ADK: variants seen among roughly 807,000 people sequenced by gnomAD.
The protein encoded by ADK is N6,N6-dimethyladenosine kinase.
A neutral mutation model predicts 44.7 loss-of-function variants in ADK; 24 were observed. That is an observed-to-expected ratio of 0.54 (90% CI 0.39 to 0.76). ADK has a LOEUF of 0.76. ADK is among the 30% of genes least tolerant of loss of function. ADK has a pLI of 0.00. For synonymous variants in ADK, 128 were observed against 142.6 expected (o/e 0.90, Z 0.73); for missense variants, 321 against 425.1 (o/e 0.76, Z 2.15).
chr10:74,639,239 ATACT>A (rs1023040639), intron 9 of ADK, among the ~76,000 whole-genome samples: 6 of 152,214 alleles, frequency 3.9e-5, no homozygotes, highest in African/African-American at 1.2e-4. Context: ...TTGTTATTTG[ATACT>A]TAGGGTGTAG....
intron 7 of ADK, among the ~76,000 whole-genome samples, chr10:74,535,413 C>T (rs59200265): frequency 0.03 from 4,520 of 152,030 alleles, 195 homozygotes; most frequent in African/African-American, 0.091. Flanking sequence ...CAGTGAGCTA[C>T]GATCATGCAA....
At chr10:74,469,155 T>A (rs146697696) in intron 6 of ADK, among the ~76,000 whole-genome samples, 1,681 of 152,128 alleles carry the variant, frequency 0.011, 17 homozygotes, top group Non-Finnish European at 0.017. Context: ...CTGAGCAATG[T>A]TGCAAAACCC....
At chr10:74,604,573 G>T (rs1296270126) in intron 9 of ADK, among the ~76,000 whole-genome samples, 1 of 152,056 alleles carries the variant, frequency 6.6e-6, no homozygotes, top group Middle Eastern at 3.2e-3. Context: ...TAGATGTGTG[G>T]CATTATTTCT....
intron 6 of ADK, among the ~76,000 whole-genome samples, chr10:74,453,673 T>G (rs1157109681): frequency 1.3e-5 from 2 of 152,080 alleles, no homozygotes; most frequent in African/African-American, 4.8e-5. Flanking sequence ...TGCTATAAAA[T>G]TCTATAGTAA....
At chr10:74,252,948 G>A (rs1845698700) in intron 3 of ADK, among the ~76,000 whole-genome samples, 1 of 152,204 alleles carries the variant, frequency 6.6e-6, no homozygotes, top group South Asian at 2.1e-4. Flanking sequence ...TACATTTAGA[G>A]ATAGTATATG....
At chr10:74,493,905 GA>G (rs1305487554) in intron 6 of ADK, among the ~76,000 whole-genome samples, 1 of 152,020 alleles carries the variant, frequency 6.6e-6, no homozygotes, top group Non-Finnish European at 1.5e-5. Context: ...ATTGACCTGA[GA>G]CAGTTTTTGG....
intron 1 of ADK, among the ~76,000 whole-genome samples, chr10:74,177,581 C>G (rs531713141): frequency 3.3e-5 from 5 of 152,200 alleles, no homozygotes; most frequent in Non-Finnish European, 4.4e-5. Context: ...TCCACTTTCT[C>G]CCAGTAGCCT....
intron 4 of ADK, among the ~76,000 whole-genome samples, chr10:74,356,002 ATTT>A (rs34454856): frequency 5.0e-4 from 42 of 83,282 alleles, no homozygotes; most frequent in African/African-American, 1.2e-3. Flanking sequence ...TAAATAATTC[ATTT>A]TTTTTTTTTT....
At chr10:74,581,062 A>AT (rs1851358736) in intron 7 of ADK, among the ~76,000 whole-genome samples, 1 of 151,866 alleles carries the variant, frequency 6.6e-6, no homozygotes, top group Non-Finnish European at 1.5e-5. Flanking sequence ...ACACGTATAT[A>AT]TAACCATTCA....
At chr10:74,495,104 T>A (rs1028969799) in intron 6 of ADK, among the ~76,000 whole-genome samples, 3 of 152,130 alleles carry the variant, frequency 2.0e-5, no homozygotes, top group Non-Finnish European at 2.9e-5. Flanking sequence ...CTAGAAGCAT[T>A]TATGATCTGT....
chr10:74,329,756 G>T (rs1387856045), intron 4 of ADK, among the ~76,000 whole-genome samples: 1 of 152,094 alleles, frequency 6.6e-6, no homozygotes, highest in Non-Finnish European at 1.5e-5. Context: ...GAAAAACTTA[G>T]ATTTAATTTT....
At chr10:74,619,535 A>T (rs931395688) in intron 9 of ADK, among the ~76,000 whole-genome samples, 2 of 151,774 alleles carry the variant, frequency 1.3e-5, no homozygotes, top group African/African-American at 2.4e-5. Context: ...TTTCTTATTC[A>T]TCCTAGTTCT....
At chr10:74,545,357 T>C (rs1296135393) in intron 7 of ADK, among the ~76,000 whole-genome samples, 1 of 152,152 alleles carries the variant, frequency 6.6e-6, no homozygotes, top group African/African-American at 2.4e-5. Flanking sequence ...TCCCTGACAA[T>C]GTGAATAGTT....
intron 8 of ADK, among the ~76,000 whole-genome samples, chr10:74,593,475 CA>C (rs35392498): frequency 1.3e-5 from 2 of 148,646 alleles, no homozygotes; most frequent in Non-Finnish European, 1.5e-5. Flanking sequence ...CTAGCAATGA[CA>C]AAAAAAAAGC....
At chr10:74,658,926 A>G (rs1417404072) in intron 9 of ADK, among the ~76,000 whole-genome samples, 1 of 152,108 alleles carries the variant, frequency 6.6e-6, no homozygotes, top group East Asian at 1.9e-4. Context: ...ATATATGTGT[A>G]TATATATAGT....
intron 9 of ADK, among the ~76,000 whole-genome samples, chr10:74,613,924 G>A (rs117922514): frequency 3.0e-4 from 46 of 152,154 alleles, no homozygotes; most frequent in Non-Finnish European, 5.3e-4. Context: ...AAACTAAGTG[G>A]CATTCTTTTA....
chr10:74,185,682 A>C (rs1384380879), intron 1 of ADK, among the ~76,000 whole-genome samples: 1 of 151,022 alleles, frequency 6.6e-6, no homozygotes, highest in Non-Finnish European at 1.5e-5. Context: ...AATACAAAAA[A>C]AAAATTAGCC....
At chr10:74,334,844 GC>G (rs1841354004) in intron 4 of ADK, among the ~76,000 whole-genome samples, 1 of 152,136 alleles carries the variant, frequency 6.6e-6, no homozygotes, top group South Asian at 2.1e-4. Flanking sequence ...CAAGGACCCA[GC>G]CATCCTCTTA....
intron 2 of ADK, among the ~76,000 whole-genome samples, chr10:74,205,387 A>G (rs1246185003): frequency 6.6e-6 from 1 of 152,120 alleles, no homozygotes; most frequent in Admixed American, 6.6e-5. Context: ...TTGAAATGTA[A>G]TTAGAAGACT....
Sources: gnomAD v4.1 joint callset for allele counts (sites outside exome capture counted in the v4.1 genomes callset) on GRCh38, gnomAD v4.1.1 for gene constraint, MANE v1.5 for transcripts, NCBI Gene and HGNC (gene_info 2026-07-23, HGNC 2026-07-21) for gene names.